COL22A1: variants seen among roughly 807,000 people sequenced by gnomAD.
COL22A1 encodes the protein collagen alpha-1(XXII) chain.
Under a neutral mutation model 248.9 loss-of-function variants are expected in COL22A1, and 221 were observed. The ratio of observed to expected loss-of-function variants is 0.89; its 90% CI spans 0.80 to 0.99. The LOEUF (loss-of-function observed/expected upper bound fraction) is 0.99, where lower values mean the gene tolerates loss of function less well. Ranked by LOEUF, COL22A1 falls within the 50% of genes least tolerant of loss-of-function variation. The probability of loss-of-function intolerance (pLI) is 0.00; values close to 1 mark genes in which losing one functional copy is unlikely to be tolerated. For missense variants in COL22A1, 2,240 were observed against 2,179.0 expected, an observed-to-expected ratio of 1.03 and a Z score of -0.56; for synonymous variants, 891 against 793.4, an observed-to-expected ratio of 1.12 and a Z score of -2.07.
intron 17 of COL22A1, among the ~76,000 whole-genome samples, chr8:138,761,638 A>G (rs976719820): frequency 5.9e-5 from 9 of 152,154 alleles, no homozygotes; most frequent in Admixed American, 2.6e-4. Flanking sequence ...TAATTGATGT[A>G]TATGTTAAAT....
intron 47 of COL22A1, among the ~76,000 whole-genome samples, chr8:138,644,006 T>A (rs1011118387): frequency 6.6e-6 from 1 of 152,230 alleles, no homozygotes; most frequent in Non-Finnish European, 1.5e-5. Context: ...GATCTTGAAC[T>A]CCTGTCCTCA....
At chr8:138,694,756 C>T in intron 33 of COL22A1, 70 bp downstream of exon 33, 1 of 1,562,304 alleles carries the variant, frequency 6.4e-7, no homozygotes, top group Non-Finnish European at 8.8e-7. Context: ...AGATCTACAG[C>T]TGGTCAGCCT....
At chr8:138,893,208 T>G (rs1825185259) in intron 1 of COL22A1, among the ~76,000 whole-genome samples, 1 of 152,180 alleles carries the variant, frequency 6.6e-6, no homozygotes, top group African/African-American at 2.4e-5. Context: ...ACAGACTGAG[T>G]ACTTTCTACA....
intron 9 of COL22A1, among the ~76,000 whole-genome samples, chr8:138,809,642 T>TC (rs1818039394): frequency 6.6e-6 from 1 of 151,380 alleles, no homozygotes; most frequent in Non-Finnish European, 1.5e-5. Flanking sequence ...TGCCTCAGCC[T>TC]CCTGAGTAGC....
At chr8:138,626,692 G>A (rs1204789737) in intron 50 of COL22A1, among the ~76,000 whole-genome samples, 5 of 152,290 alleles carry the variant, frequency 3.3e-5, no homozygotes, top group East Asian at 1.9e-4. Flanking sequence ...GGAGCTGACC[G>A]GGGTGCATGC....
In COL22A1 at chr8:138,700,136, C is replaced by T; in HGVS notation, c.2568G>A (p.Leu856=). 1 of 1,613,606 alleles carries T rather than the reference C, an allele frequency of 6.2e-7. No individual in the cohort carries two copies. The highest frequency in any genetic ancestry group is 8.5e-7 in the Non-Finnish European group (1 of 1,179,912). Reference sequence around the variant, plus strand: ...CGGGCATCCGTGGATGTGGTGTGAACAGGGATGTCTGAAAAGGAAACCACA... The same window carrying T: ...CGGGCATCCGTGGATGTGGTGTGAATAGGGATGTCTGAAAAGGAAACCACA... The part of the protein sequence containing the change: ...GPPGLPGTTS[L]FTPHPRMPGE... Residue 856 remains leucine, a synonymous_variant, in exon 32 of 65, where the codon CTG becomes CTA. Transcript: ENST00000303045.
At chr8:138,834,401 T>TC (rs1256844979) in intron 4 of COL22A1, among the ~76,000 whole-genome samples, 2 of 151,382 alleles carry the variant, frequency 1.3e-5, no homozygotes, top group African/African-American at 4.9e-5. Context: ...GATTAAAGCC[T>TC]CTTAGCCTCT....
intron 14 of COL22A1, 143 bp from the exon 15 acceptor site, chr8:138,778,549 G>C: frequency 1.5e-6 from 1 of 684,184 alleles, no homozygotes; most frequent in Non-Finnish European, 2.4e-6. Flanking sequence ...GTTGGCACAG[G>C]TCTCGCCAGC....
rs533721259 is a variant in COL22A1, at chr8:138,720,818, A to T, written c.2302-26T>A. On this transcript the variant is annotated intron_variant, in intron 26 of 64. Transcript: ENST00000303045. ...CTGGAAGGAATACAGAGCAAAGTTA[A>T]CAGGAGACGGGCCATGCTTGGATTA... The T allele has an allele frequency of 1.9e-6, 3 of 1,580,586 alleles. No individual in the cohort carries two copies. The South Asian group carries it at 3.3e-5, about 18-fold the overall frequency.
rs1207483869 is a variant in COL22A1 at position 138,751,466 on chromosome 8, C to G, written c.2077G>C (p.Gly693Arg). The stretch of plus-strand genomic sequence containing the variant: ...AAAGAGAGTTTACTTACTCGGAGAC[C>G]TTGCAAACCAGGAGGTCCATCCCTG... ...EGRDGPPGLQGLRGKKGDMGP... is the reference protein window; with the variant it reads ...EGRDGPPGLQRLRGKKGDMGP... Residue 693 changes from glycine to arginine, a missense_variant, in exon 22 of 65, where the codon GGT (glycine) becomes CGT (arginine). Transcript: ENST00000303045. 1.2e-6 allele frequency: 2 copies of G among 1,611,182 alleles called. No individual in the cohort carries two copies. The highest frequency in any genetic ancestry group is 2.2e-5 in the South Asian group (2 of 90,634).
chr8:138,641,335 AG>A (rs534032936), intron 47 of COL22A1, among the ~76,000 whole-genome samples: 1 of 152,176 alleles, frequency 6.6e-6, no homozygotes, highest in Non-Finnish European at 1.5e-5. Context: ...GATCCATGCC[AG>A]GCCCCCTTTA....
At chr8:138,667,006 G>C (rs577857965) in intron 41 of COL22A1, among the ~76,000 whole-genome samples, 52 of 152,244 alleles carry the variant, frequency 3.4e-4, no homozygotes, top group Admixed American at 9.8e-4. Context: ...AGAAATAAAA[G>C]AAGATACTAT....
intron 1 of COL22A1, among the ~76,000 whole-genome samples, chr8:138,909,102 A>G (rs759441862): frequency 3.3e-5 from 5 of 152,246 alleles, no homozygotes; most frequent in African/African-American, 4.8e-5. Context: ...GCAAAACTAT[A>G]TGTGATCACC....
intron 49 of COL22A1, among the ~76,000 whole-genome samples, chr8:138,634,395 G>A (rs965242378): frequency 1.1e-4 from 16 of 152,008 alleles, no homozygotes; most frequent in African/African-American, 3.6e-4. Context: ...GGGCTTGGCA[G>A]GAACACTAAT....
At chr8:138,740,584 T>G (rs1273575994) in intron 22 of COL22A1, among the ~76,000 whole-genome samples, 4 of 152,168 alleles carry the variant, frequency 2.6e-5, no homozygotes, top group Non-Finnish European at 5.9e-5. Flanking sequence ...GGTGTTCCTG[T>G]GCCAGGAAAG....
chr8:138,904,555 G>A (rs1297861884), intron 1 of COL22A1, among the ~76,000 whole-genome samples: 4 of 152,072 alleles, frequency 2.6e-5, no homozygotes, highest in East Asian at 1.9e-4. Context: ...TGGTAGAGCT[G>A]TAATAACCCC....
intron 60 of COL22A1, among the ~76,000 whole-genome samples, chr8:138,599,170 G>A (rs149366411): frequency 0.018 from 2,685 of 152,152 alleles, 80 homozygotes; most frequent in African/African-American, 0.06. Context: ...GTGAAACCCT[G>A]TCTCTACTAA....
intron 16 of COL22A1, among the ~76,000 whole-genome samples, chr8:138,775,438 G>A (rs1814349221): frequency 6.6e-6 from 1 of 152,228 alleles, no homozygotes; most frequent in Non-Finnish European, 1.5e-5. Flanking sequence ...CCTCAGACAT[G>A]TTGGTTGCAT....
At chr8:138,675,543 G>A (rs1419266100) in intron 41 of COL22A1, among the ~76,000 whole-genome samples, 1 of 152,138 alleles carries the variant, frequency 6.6e-6, no homozygotes, top group Non-Finnish European at 1.5e-5. Context: ...ATAATACATG[G>A]GTAGTTTAGG....
Sources: gnomAD v4.1 joint callset for allele counts (sites outside exome capture counted in the v4.1 genomes callset) on GRCh38, gnomAD v4.1.1 for gene constraint, MANE v1.5 for transcripts, NCBI Gene and HGNC (gene_info 2026-07-23, HGNC 2026-07-21) for gene names.